The following ASTN2 variants were observed in gnomAD, a reference collection of about 807,000 sequenced individuals.
ASTN2 encodes astrotactin-2.
ASTN2 carries 54 observed loss-of-function variants against 139.8 expected under a neutral mutation model. The ratio of observed to expected loss-of-function variants is 0.39; its 90% CI spans 0.31 to 0.48. The LOEUF is 0.48. Ranked by LOEUF, ASTN2 falls within the 20% of genes least tolerant of loss-of-function variation. ASTN2 has a pLI of 0.95. For synonymous variants in ASTN2, 756 were observed against 719.5 expected, an observed-to-expected ratio of 1.05 and a Z score of -0.81; for missense variants, 1,565 against 1,725.1, an observed-to-expected ratio of 0.91 and a Z score of 1.64.
At chr9:116,667,472 TA>T (rs1247609323) in intron 16 of ASTN2, among the ~76,000 whole-genome samples, 2 of 152,178 alleles carry the variant, frequency 1.3e-5, no homozygotes, top group Non-Finnish European at 2.9e-5. Context: ...AAATTGCAGA[TA>T]AGCAACAGCT....
chr9:116,991,922 C>A (rs893255398), intron 7 of ASTN2, among the ~76,000 whole-genome samples: 1 of 152,150 alleles, frequency 6.6e-6, no homozygotes, highest in African/African-American at 2.4e-5. Flanking sequence ...GTCTATGAAA[C>A]AAAGACATTA....
chr9:117,331,055 G>A (rs142266442), intron 1 of ASTN2, among the ~76,000 whole-genome samples: 69 of 152,312 alleles, frequency 4.5e-4, no homozygotes, highest in African/African-American at 1.1e-3. Context: ...ACCTACTTGT[G>A]TAACCCACTT....
chr9:116,660,312 G>T (rs941068206), intron 16 of ASTN2, among the ~76,000 whole-genome samples: 3 of 152,076 alleles, frequency 2.0e-5, no homozygotes, highest in Non-Finnish European at 4.4e-5. Flanking sequence ...AAGTGAATTT[G>T]CAAGCTCTTC....
At chr9:116,733,296 T>G (rs2274414) in intron 14 of ASTN2, 103 bp downstream of exon 14, 119,273 of 1,479,370 alleles carry the variant, frequency 0.081, 5,638 homozygotes, top group East Asian at 0.22. Context: ...GGAGGAGGCT[T>G]GACAGAGCCC....
intron 1 of ASTN2, among the ~76,000 whole-genome samples, chr9:117,348,576 G>A (rs2130876230): frequency 6.6e-6 from 1 of 152,254 alleles, no homozygotes; most frequent in Middle Eastern, 3.4e-3. Context: ...TTGATATGCT[G>A]ATTTGTGTTC....
At chr9:116,767,232 C>T (rs777052888) in intron 13 of ASTN2, among the ~76,000 whole-genome samples, 9 of 152,112 alleles carry the variant, frequency 5.9e-5, no homozygotes, top group Non-Finnish European at 1.0e-4. Flanking sequence ...AATGGGAACC[C>T]GCCCCTTCCC....
intron 4 of ASTN2, among the ~76,000 whole-genome samples, chr9:117,119,979 T>C (rs1433575339): frequency 8.6e-6 from 1 of 115,894 alleles, no homozygotes; most frequent in East Asian, 2.4e-4. Context: ...TAGATATCTC[T>C]ATATATTTGT....
chr9:117,105,137 G>A (rs1829072275), intron 4 of ASTN2, among the ~76,000 whole-genome samples: 6 of 152,030 alleles, frequency 3.9e-5, no homozygotes, highest in Admixed American at 2.6e-4. Flanking sequence ...CCCCATCAAA[G>A]GCAGAGTCTC....
intron 5 of ASTN2, among the ~76,000 whole-genome samples, chr9:117,094,183 G>GGAGGA (rs71379260): frequency 0.015 from 1,892 of 122,134 alleles, 65 homozygotes; most frequent in African/African-American, 0.06. Flanking sequence ...AGGGAGGGAG[G>GGAGGA]GAGGAGAGGA....
At chr9:116,854,705 G>A (rs1039887447) in intron 11 of ASTN2, among the ~76,000 whole-genome samples, 21 of 147,608 alleles carry the variant, frequency 1.4e-4, no homozygotes, top group Middle Eastern at 3.5e-3. Flanking sequence ...AGGCTGGAGT[G>A]CAGTGGCACC....
At chr9:117,363,801 C>G (rs888254949) in intron 1 of ASTN2, among the ~76,000 whole-genome samples, 1 of 152,118 alleles carries the variant, frequency 6.6e-6, no homozygotes, top group Non-Finnish European at 1.5e-5. Flanking sequence ...GCATTAAAGA[C>G]CTCGTATCAC....
At chr9:117,017,002 C>A (rs1837732798) in intron 6 of ASTN2, among the ~76,000 whole-genome samples, 1 of 151,602 alleles carries the variant, frequency 6.6e-6, no homozygotes, top group Non-Finnish European at 1.5e-5. Flanking sequence ...ATTCTGCATG[C>A]CTTTATGTAT....
In ASTN2 at chr9:116,760,693, T is replaced by G. The variant is rs371975419; in HGVS notation, c.2397-27170A>C. On this transcript the variant is annotated intron_variant, in intron 13 of 22. Transcript: ENST00000313400. ...AGGGGGAGGGGAGAGAGGTAGAATC[T>G]GCAGTGTGGGAAATCCCACTTTGAC... is the stretch of plus-strand genomic sequence containing the variant. 5.3e-5 allele frequency among the ~76,000 whole-genome samples: 8 copies of G among 152,194 alleles called. 1 individual carries two copies. The South Asian group carries it at 1.7e-3, about 32-fold the overall frequency.
intron 10 of ASTN2, among the ~76,000 whole-genome samples, chr9:116,921,973 C>T (rs2132437411): frequency 6.6e-6 from 1 of 152,268 alleles, no homozygotes; most frequent in Middle Eastern, 3.4e-3. Flanking sequence ...CTGGATATTA[C>T]AACTGAACAT....
chr9:116,671,519 G>T (rs1303531054), intron 16 of ASTN2, among the ~76,000 whole-genome samples: 1 of 151,886 alleles, frequency 6.6e-6, no homozygotes, highest in African/African-American at 2.4e-5. Context: ...TTGGGGTGGG[G>T]GGAACAACTC....
intron 10 of ASTN2, among the ~76,000 whole-genome samples, chr9:116,892,559 G>T (rs1833788893): frequency 1.3e-5 from 2 of 152,086 alleles, no homozygotes; most frequent in South Asian, 4.2e-4. Context: ...AGCCAAGCTG[G>T]TCCCGGTCAG....
intron 2 of ASTN2, among the ~76,000 whole-genome samples, chr9:117,260,910 C>T (rs1833808089): frequency 6.6e-6 from 1 of 152,160 alleles, no homozygotes; most frequent in African/African-American, 2.4e-5. Flanking sequence ...GTACTCCATA[C>T]AACTGAAAAG....
intron 11 of ASTN2, among the ~76,000 whole-genome samples, chr9:116,855,888 C>T (rs1326815): frequency 0.3 from 45,073 of 152,020 alleles, 6,839 homozygotes; most frequent in South Asian, 0.39. Flanking sequence ...TCTATATATC[C>T]GTATCAGTAA....
chr9:116,446,272 T>TAGAGAGAGAGAGAGAGAGAGAGAGAGAG (rs3040241), intron 20 of ASTN2, among the ~76,000 whole-genome samples: 1 of 119,036 alleles, frequency 8.4e-6, no homozygotes, highest in Non-Finnish European at 1.7e-5. Context: ...GAGAGAGAGA[T>TAGAGAGAGAGAGAGAGAGAGAGAGAGAG]AGAGAGAGAG....
Sources: gnomAD v4.1 joint callset for allele counts (sites outside exome capture counted in the v4.1 genomes callset) on GRCh38, gnomAD v4.1.1 for gene constraint, MANE v1.5 for transcripts, NCBI Gene and HGNC (gene_info 2026-07-23, HGNC 2026-07-21) for gene names.